NLRP5: variants seen among roughly 807,000 people sequenced by gnomAD.
The protein encoded by NLRP5 is NLR family pyrin domain containing 5.
Under a neutral mutation model 113.1 loss-of-function variants are expected in NLRP5, and 93 were observed. The ratio of observed to expected loss-of-function variants is 0.82; its 90% CI spans 0.70 to 0.98. The LOEUF (loss-of-function observed/expected upper bound fraction) is 0.98, where lower values mean the gene tolerates loss of function less well. Among genes scored for constraint, NLRP5 ranks in the 50% least tolerant of loss-of-function variants. The pLI is 0.00. For missense variants in NLRP5, 1,808 were observed against 1,514.3 expected (o/e 1.19, Z -3.22); for synonymous variants, 751 against 600.7 (o/e 1.25, Z -3.66).
At chr19:55,990,349 A>G in the NLRP5 span, among the ~76,000 whole-genome samples, 1 of 151,652 alleles carries the variant, frequency 6.6e-6, no homozygotes, top group Non-Finnish European at 1.5e-5. Flanking sequence ...TCAGGATCCC[A>G]AAGTGCTGGG....
intron 12 of NLRP5, among the ~76,000 whole-genome samples, chr19:56,051,575 C>G (rs986159831): frequency 6.6e-6 from 1 of 152,166 alleles, no homozygotes; most frequent in South Asian, 2.1e-4. Context: ...TCACCACCCC[C>G]CCATCATATC....
intron 1 of NLRP5, among the ~76,000 whole-genome samples, chr19:56,000,494 A>T (rs1476506416): frequency 3.3e-5 from 5 of 151,756 alleles, no homozygotes; most frequent in Non-Finnish European, 5.9e-5. Flanking sequence ...CCTCCCTAGT[A>T]GCTGGGACTA....
intron 6 of NLRP5, among the ~76,000 whole-genome samples, chr19:56,024,925 A>C (rs1467329344): frequency 2.0e-5 from 3 of 151,324 alleles, no homozygotes. Context: ...CTGTATTTAC[A>C]GCTGCTCCCC....
the NLRP5 span, chr19:55,987,978 C>T: frequency 1.2e-5 from 15 of 1,257,582 alleles, no homozygotes; most frequent in African/African-American, 5.9e-5. Context: ...TGGCAAATAC[C>T]AGGCGTTATC....
At chr19:56,051,042 AG>A (rs1568502266) in intron 12 of NLRP5, among the ~76,000 whole-genome samples, 2 of 152,208 alleles carry the variant, frequency 1.3e-5, no homozygotes, top group Non-Finnish European at 2.9e-5. Flanking sequence ...ATCGATCTTC[AG>A]TCTCACAACC....
intron 5 of NLRP5, 43 bp from the exon 6 acceptor site, chr19:56,020,332 T>G (rs754988235): frequency 1.2e-4 from 195 of 1,610,784 alleles, no homozygotes; most frequent in Non-Finnish European, 1.6e-4. Flanking sequence ...CATCTCTGAC[T>G]CGAATAATAA....
In NLRP5 at chr19:56,004,088, C is replaced by A. The variant is rs774175829; in HGVS notation, c.435C>A (p.Asp145Glu). The stretch of plus-strand genomic sequence containing the variant: ...CCCTCTCGGAGAAGGCACGGGATGA[C>A]ATGAAAAGTAAGCGAGACTTGGGAC... Residue 145 changes from aspartate to glutamate, a missense_variant, in exon 2 of 15, where the codon GAC (aspartate) becomes GAA (glutamate). Transcript: ENST00000390649. 20 of 1,601,762 alleles carry A rather than the reference C, an allele frequency of 1.2e-5. No homozygotes were observed. The South Asian group carries it at 2.2e-4, about 18-fold the overall frequency.
chr19:56,000,585 C>T (rs1307578251), intron 1 of NLRP5, among the ~76,000 whole-genome samples: 2 of 151,664 alleles, frequency 1.3e-5, no homozygotes, highest in Non-Finnish European at 2.9e-5. Context: ...AGGATGGTCT[C>T]GATCTCCTGA....
chr19:55,998,714 G>GTATATATATATATATGTGTATA (rs1555762454), upstream of NLRP5, among the ~76,000 whole-genome samples: 5 of 76,004 alleles, frequency 6.6e-5, no homozygotes, highest in African/African-American at 2.9e-4. Flanking sequence ...GTGTGTGTGT[G>GTATATATATATATATGTGTATA]TATATATATA....
At chr19:56,031,011 C>G (rs1171055291) in intron 7 of NLRP5, among the ~76,000 whole-genome samples, 1 of 151,948 alleles carries the variant, frequency 6.6e-6, no homozygotes, top group Admixed American at 6.6e-5. Context: ...TGCGCCCGGC[C>G]TCTATTTTTC....
In NLRP5 at chr19:56,013,596, G is replaced by GGTTT. The variant is rs1555765383; in HGVS notation, c.509-2146_509-2145insGTTT. 9.0e-3 allele frequency among the ~76,000 whole-genome samples: 532 copies of GGTTT among 59,378 alleles called. 26 individuals carry two copies. Among genetic ancestry groups the GGTTT allele is most frequent in the African/African-American group, 0.036 (418 of 11,648 alleles). The allele number at this position is 59,378 out of a possible 152,430, so 39.0% of individuals were successfully genotyped here. ...CATTTATCACATGATGGACATTTGGGTTTTTTTTTTTTTTTTTTTTTGCTA... is the reference window on the plus strand; with the variant it reads ...CATTTATCACATGATGGACATTTGGGGTTTTTTTTTTTTTTTTTTTTTTTTGCTA... On this transcript the variant is annotated intron_variant, in intron 3 of 14. Coordinates refer to ENST00000390649, the MANE Select transcript of NLRP5 (RefSeq NM_153447.4).
At chr19:56,056,413 C>T (rs1036518297) in intron 13 of NLRP5, among the ~76,000 whole-genome samples, 4 of 152,098 alleles carry the variant, frequency 2.6e-5, no homozygotes, top group South Asian at 4.1e-4. Context: ...AAAAGTTAGC[C>T]GGGCTTGGTG....
the NLRP5 span, among the ~76,000 whole-genome samples, chr19:55,990,079 C>CTTTTCTTTTCTTTTTTTTTTTTTTTTTTT: frequency 1.0e-5 from 1 of 95,958 alleles, no homozygotes; most frequent in African/African-American, 4.0e-5. Context: ...TTTCTTTTTT[C>CTTTTCTTTTCTTTTTTTTTTTTTTTTTTT]TTTTTTTTTT....
chr19:56,057,053 T>G (rs1269420565), intron 13 of NLRP5, among the ~76,000 whole-genome samples: 1 of 152,126 alleles, frequency 6.6e-6, no homozygotes, highest in African/African-American at 2.4e-5. Flanking sequence ...GGAGAATCAC[T>G]TGAACTGGGG....
At chr19:56,041,226 G>A (rs1983511594) in intron 11 of NLRP5, 134 bp downstream of exon 11, 4 of 809,118 alleles carry the variant, frequency 4.9e-6, no homozygotes, top group Non-Finnish European at 8.0e-6. Context: ...GCTGAATTCT[G>A]TCCATGTCTC....
At chr19:55,999,874 G>A in intron 1 of NLRP5, 1 of 912,326 alleles carries the variant, frequency 1.1e-6, no homozygotes, top group Non-Finnish European at 1.8e-6. Context: ...TGCCCTCGCT[G>A]CTGTCTGCTG....
At chr19:56,045,764 C>G (rs913608980) in intron 11 of NLRP5, among the ~76,000 whole-genome samples, 4 of 152,136 alleles carry the variant, frequency 2.6e-5, no homozygotes, top group Admixed American at 1.3e-4. Context: ...AAGAATGTCA[C>G]ATGGTACACT....
chr19:56,037,714 A>AAG (rs200215825), intron 9 of NLRP5, among the ~76,000 whole-genome samples: 16 of 131,670 alleles, frequency 1.2e-4, no homozygotes, highest in African/African-American at 4.8e-4. Flanking sequence ...AAAAAAAAAA[A>AAG]TGTTGGCTGG....
intron 13 of NLRP5, among the ~76,000 whole-genome samples, chr19:56,054,982 C>T (rs1006624779): frequency 1.4e-5 from 2 of 139,672 alleles, no homozygotes; most frequent in African/African-American, 5.3e-5. Context: ...TTAATCTGGG[C>T]ACCCCTCCCC....
Sources: allele counts gnomAD v4.1 joint callset (sites outside exome capture counted in the v4.1 genomes callset), GRCh38; gene constraint gnomAD v4.1.1; transcripts MANE v1.5; gene names NCBI Gene and HGNC (gene_info 2026-07-23, HGNC 2026-07-21).